Variants in OPCML observed in about 807,000 individuals in gnomAD.
OPCML encodes opioid binding protein/cell adhesion molecule like, also known as opioid-binding protein/cell adhesion molecule.
A neutral mutation model predicts 37.8 loss-of-function variants in OPCML; 13 were observed. The observed-to-expected ratio is 0.34, with a 90% CI of 0.22 to 0.55. The LOEUF is 0.55. Among genes scored for constraint, OPCML ranks in the 20% least tolerant of loss-of-function variants. The pLI is 0.91. For synonymous variants in OPCML, 176 were observed against 168.8 expected (o/e 1.04, Z -0.33); for missense variants, 341 against 435.6 (o/e 0.78, Z 1.93).
intron 1 of OPCML, among the ~76,000 whole-genome samples, chr11:133,027,899 A>G (rs1360364969): frequency 3.0e-5 from 1 of 33,440 alleles, no homozygotes; most frequent in Non-Finnish European, 6.3e-5. Context: ...TTCCTGTGTG[A>G]AGGACAGCTG....
intron 1 of OPCML, among the ~76,000 whole-genome samples, chr11:133,431,022 G>A (rs529339276): frequency 3.2e-4 from 49 of 152,220 alleles, no homozygotes; most frequent in African/African-American, 1.2e-3. Context: ...TTAAGAATAT[G>A]ATATAAACAC....
intron 3 of OPCML, among the ~76,000 whole-genome samples, chr11:132,558,479 CCA>C (rs1434206027): frequency 2.2e-4 from 4 of 18,344 alleles, no homozygotes; most frequent in South Asian, 5.4e-3. Context: ...CTGTCCTCCT[CCA>C]CTCCTCCTCC....
chr11:133,097,253 A>C (rs1423345205), intron 1 of OPCML, among the ~76,000 whole-genome samples: 1 of 152,220 alleles, frequency 6.6e-6, no homozygotes, highest in Non-Finnish European at 1.5e-5. Flanking sequence ...GATCACTGGA[A>C]AAATCTTAAG....
Position 132,978,487 on chromosome 11 carries a change from T to G in OPCML, c.62-35477A>C, listed in dbSNP as rs553944349. The stretch of plus-strand genomic sequence containing the variant: ...AGGACTAGCATCATTCCAAAAGAAG[T>G]GATACTCATACTGTCTTTTTGTCCC... On this transcript the variant is annotated intron_variant, in intron 1 of 7. Transcript: ENST00000524381. Among the ~76,000 whole-genome samples the G allele has an allele frequency of 5.3e-5, 8 of 152,238 alleles. No individual in the cohort carries two copies. The South Asian group carries it at 1.7e-3, about 32-fold the overall frequency.
intron 1 of OPCML, among the ~76,000 whole-genome samples, chr11:133,051,016 G>GACCA (rs1170636633): frequency 2.6e-5 from 4 of 151,116 alleles, no homozygotes; most frequent in Non-Finnish European, 5.9e-5. Flanking sequence ...ATCCATCTCA[G>GACCA]ACCAGCCTTG....
chr11:133,430,348 C>T (rs1484273710), intron 1 of OPCML, among the ~76,000 whole-genome samples: 1 of 152,108 alleles, frequency 6.6e-6, no homozygotes, highest in Non-Finnish European at 1.5e-5. Flanking sequence ...AAGAAGTTGG[C>T]ACTACAGGCA....
At position 132,633,977 on chromosome 11, in the gene OPCML, G is replaced by A. The variant is rs1429913783; in HGVS notation, c.379+23110C>T. Among the ~76,000 whole-genome samples, 3 of 152,184 alleles carry A rather than the reference G, an allele frequency of 2.0e-5. No individual in the cohort carries two copies. In the East Asian group the frequency reaches 5.8e-4, roughly 29 times the overall value. ...GTTCTTCCTGTCTTTCTTCTCCAGT[G>A]TGTGGCTTGGACCATCACAGTCAAA... On this transcript the variant is annotated intron_variant, in intron 3 of 7. Transcript: ENST00000524381.
intron 1 of OPCML, among the ~76,000 whole-genome samples, chr11:133,029,024 A>T (rs1947617490): frequency 6.6e-6 from 1 of 152,218 alleles, no homozygotes. Context: ...ACAAGCAAAA[A>T]GCAAATAACC....
At chr11:132,784,930 T>C (rs540777874) in intron 2 of OPCML, among the ~76,000 whole-genome samples, 2 of 152,308 alleles carry the variant, frequency 1.3e-5, no homozygotes, top group East Asian at 3.9e-4. Context: ...CCTCTTTTCT[T>C]TATAAGTTAA....
At chr11:132,440,396 A>T (rs2136767626) in intron 4 of OPCML, among the ~76,000 whole-genome samples, 1 of 151,680 alleles carries the variant, frequency 6.6e-6, no homozygotes, top group South Asian at 2.1e-4. Context: ...CTGGGATTCC[A>T]CGTTTCTGAC....
At chr11:132,500,253 G>A (rs2096242716) in intron 4 of OPCML, among the ~76,000 whole-genome samples, 3 of 152,288 alleles carry the variant, frequency 2.0e-5, no homozygotes, top group Admixed American at 2.0e-4. Flanking sequence ...TATCAATCAT[G>A]CCTCATTGTT....
intron 2 of OPCML, among the ~76,000 whole-genome samples, chr11:132,870,517 C>T (rs766428784): frequency 5.9e-5 from 9 of 152,044 alleles, no homozygotes; most frequent in Middle Eastern, 3.4e-3. Context: ...ATAAAAATGG[C>T]GCCACCCTAT....
At chr11:132,867,981 C>A (rs1230625961) in intron 2 of OPCML, among the ~76,000 whole-genome samples, 1 of 152,132 alleles carries the variant, frequency 6.6e-6, no homozygotes, top group Non-Finnish European at 1.5e-5. Flanking sequence ...TCTCTCGGGG[C>A]TCCGTGTTCA....
chr11:132,553,780 C>T (rs765878287), intron 3 of OPCML, among the ~76,000 whole-genome samples: 36 of 152,256 alleles, frequency 2.4e-4, no homozygotes, highest in South Asian at 4.1e-4. Flanking sequence ...CATTCCTGTA[C>T]GTTTTCCCCG....
intron 1 of OPCML, among the ~76,000 whole-genome samples, chr11:133,245,391 T>C (rs1940883584): frequency 1.3e-5 from 2 of 152,204 alleles, no homozygotes; most frequent in African/African-American, 4.8e-5. Context: ...TCTCTATTCC[T>C]TTATCGCAAA....
intron 1 of OPCML, among the ~76,000 whole-genome samples, chr11:133,474,351 T>G (rs528303732): frequency 2.0e-5 from 3 of 152,330 alleles, no homozygotes; most frequent in South Asian, 4.1e-4. Flanking sequence ...GTTTCTCATT[T>G]TTATCAGGTC....
At position 133,071,838 on chromosome 11, in the gene OPCML, C is replaced by T. The variant is rs1948542897; in HGVS notation, c.62-128828G>A. Among the ~76,000 whole-genome samples, 3 of 152,152 alleles carry T rather than the reference C, an allele frequency of 2.0e-5. No individual in the cohort carries two copies. In the South Asian group the frequency reaches 6.2e-4, roughly 32 times the overall value. ...TGAGTACTGAGCACTCATGGGCCTC[C>T]TGTGTTTTATTCCTAAAATCCTGCA... is the stretch of plus-strand genomic sequence containing the variant. On this transcript the variant is annotated intron_variant, in intron 1 of 7. Transcript: ENST00000524381.
At chr11:132,538,679 C>A (rs966593526) in intron 3 of OPCML, among the ~76,000 whole-genome samples, 2 of 152,258 alleles carry the variant, frequency 1.3e-5, no homozygotes, top group South Asian at 2.1e-4. Flanking sequence ...AGAAAATATT[C>A]TTTTCATTTA....
At chr11:133,526,954 A>G (rs1249916664) in intron 1 of OPCML, among the ~76,000 whole-genome samples, 2 of 152,232 alleles carry the variant, frequency 1.3e-5, no homozygotes, top group African/African-American at 4.8e-5. Flanking sequence ...TGCTCCTGAC[A>G]GCCTGGCTTG....
Sources: gnomAD v4.1 joint callset for allele counts (sites outside exome capture counted in the v4.1 genomes callset) on GRCh38, gnomAD v4.1.1 for gene constraint, MANE v1.5 for transcripts, NCBI Gene and HGNC (gene_info 2026-07-23, HGNC 2026-07-21) for gene names.